The following NUP37 variants were observed in gnomAD, a reference collection of about 807,000 sequenced individuals.
NUP37 encodes the protein nucleoporin 37, also known as nucleoporin Nup37.
In NUP37, 33 loss-of-function variants were observed where a neutral mutation model predicts 45.4. That is an observed-to-expected ratio of 0.73 (90% confidence interval 0.55 to 0.97). NUP37 has a LOEUF of 0.97. Ranked by LOEUF, NUP37 falls within the 50% of genes least tolerant of loss-of-function variation. The probability of loss-of-function intolerance (pLI) is 0.00; values close to 1 mark genes in which losing one functional copy is unlikely to be tolerated. For synonymous variants in NUP37, 127 were observed against 130.7 expected, an observed-to-expected ratio of 0.97 and a Z score of 0.19; for missense variants, 365 against 389.7, an observed-to-expected ratio of 0.94 and a Z score of 0.53.
chr12:102,096,256 T>C (rs1565832932), intron 5 of NUP37, among the ~76,000 whole-genome samples: 1 of 152,148 alleles, frequency 6.6e-6, no homozygotes, highest in Non-Finnish European at 1.5e-5. Flanking sequence ...GAGAACCCAA[T>C]TTTCTTATAA....
At chr12:102,113,091 C>G (rs1386852847) in intron 2 of NUP37, among the ~76,000 whole-genome samples, 1 of 152,154 alleles carries the variant, frequency 6.6e-6, no homozygotes. Context: ...GAGACAATAA[C>G]CTGAAAAGTT....
At chr12:102,093,413 TACAG>T (rs1387979935) in intron 5 of NUP37, among the ~76,000 whole-genome samples, 1 of 152,058 alleles carries the variant, frequency 6.6e-6, no homozygotes, top group Non-Finnish European at 1.5e-5. Flanking sequence ...ATTTAACTTA[TACAG>T]ACAGATAAAT....
intron 6 of NUP37, among the ~76,000 whole-genome samples, chr12:102,078,574 A>C (rs1217605363): frequency 1.3e-5 from 2 of 152,220 alleles, no homozygotes; most frequent in African/African-American, 4.8e-5. Flanking sequence ...GTTAAAGAGC[A>C]CAGACACGCC....
chr12:102,119,887 T>C (rs1594407718), intron 1 of NUP37, among the ~76,000 whole-genome samples, 163 bp downstream of exon 1: 1 of 152,106 alleles, frequency 6.6e-6, no homozygotes, highest in African/African-American at 2.4e-5. Context: ...GTCTCTGCAA[T>C]GAGCGCCGAC....
intron 2 of NUP37, among the ~76,000 whole-genome samples, chr12:102,114,327 C>G (rs534160033): frequency 6.6e-6 from 1 of 151,930 alleles, no homozygotes; most frequent in Non-Finnish European, 1.5e-5. Context: ...TATGGAATTA[C>G]TGGGTGGTCA....
chr12:102,112,330 G>GAA (rs1399529220), intron 2 of NUP37, 98 bp from the exon 3 acceptor site: 5 of 1,020,106 alleles, frequency 4.9e-6, no homozygotes, highest in Admixed American at 6.2e-5. Context: ...TTATGCTTAT[G>GAA]CTTTTGAAAA....
intron 5 of NUP37, among the ~76,000 whole-genome samples, chr12:102,096,628 C>T (rs1367829381): frequency 6.6e-6 from 1 of 152,076 alleles, no homozygotes; most frequent in African/African-American, 2.4e-5. Flanking sequence ...GTACAGAATA[C>T]ATATTGTAGA....
Position 102,074,159 on chromosome 12 carries a change from T to C in NUP37, c.*195A>G. 5.7e-6 allele frequency: 2 copies of C among 350,446 alleles called. No homozygotes were observed. The highest frequency in any genetic ancestry group is 1.3e-4 in the South Asian group (2 of 14,926). The allele number at this position is 350,446 out of a possible 1,614,324, so 21.7% of individuals were successfully genotyped here. A position where few individuals can be genotyped will look rare whatever the true frequency, so the allele number is the denominator to read the frequency against. On this transcript the variant is annotated 3_prime_UTR_variant, in exon 10 of 10. Coordinates refer to ENST00000552283, the MANE Select transcript of NUP37 (RefSeq NM_024057.4). Reference sequence around the variant, plus strand: ...TTTTGTAAGATTAAAAATATATATATATACACACACAGAGAACAGAGTAGA... The same window carrying C: ...TTTTGTAAGATTAAAAATATATATACATACACACACAGAGAACAGAGTAGA...
intron 8 of NUP37, among the ~76,000 whole-genome samples, chr12:102,075,513 G>T (rs1036959163): frequency 6.6e-6 from 1 of 152,074 alleles, no homozygotes; most frequent in Non-Finnish European, 1.5e-5. Context: ...TAAAACCAGT[G>T]ATTTTAATAA....
chr12:102,077,039 C>G, intron 7 of NUP37, 192 bp from the exon 8 acceptor site: 1 of 607,312 alleles, frequency 1.6e-6, no homozygotes, highest in Non-Finnish European at 2.9e-6. Flanking sequence ...TGCAGGGAAC[C>G]ATCATGCAAC....
intron 6 of NUP37, chr12:102,079,062 T>A (rs1879261706): frequency 2.6e-6 from 1 of 383,572 alleles, no homozygotes; most frequent in Non-Finnish European, 5.1e-6. Context: ...TCCTTACTTT[T>A]AAGCAGTGTT....
At chr12:102,118,615 G>A in intron 1 of NUP37, 32 bp from the exon 2 acceptor site, 1 of 1,060,298 alleles carries the variant, frequency 9.4e-7, no homozygotes, top group Non-Finnish European at 1.4e-6. Flanking sequence ...CAATTACAAT[G>A]GTCAATATGT....
chr12:102,109,346 G>A (rs918677483), intron 3 of NUP37, among the ~76,000 whole-genome samples: 2 of 152,124 alleles, frequency 1.3e-5, no homozygotes, highest in African/African-American at 4.8e-5. Flanking sequence ...TAAGAGAGAT[G>A]CTGAGTTATA....
chr12:102,082,044 A>C (rs1322960388), intron 6 of NUP37, among the ~76,000 whole-genome samples: 2 of 152,048 alleles, frequency 1.3e-5, no homozygotes, highest in African/African-American at 4.8e-5. Context: ...TCAGAGACTG[A>C]GATGTCCTCA....
Position 102,112,140 on chromosome 12 carries a change from C to G in NUP37, c.249G>C (p.Glu83Asp). 1.2e-6 allele frequency: 2 copies of G among 1,613,906 alleles called. No homozygotes were observed. Among genetic ancestry groups the G allele is most frequent in the Non-Finnish European group, 1.7e-6 (2 of 1,179,858 alleles). ...CTGGAGGCAATGAATCAAGTCTAGT[C>G]TCTGGGCTCCAAGCTATGCCATCAA... ...VRVDGIAWSP[E>D]TRLDSLPPVI... Residue 83 changes from glutamate to aspartate, a missense_variant, in exon 3 of 10, where the codon GAG becomes GAC. By Grantham distance (45) the Glu-to-Asp change is conservative. Coordinates refer to ENST00000552283, the MANE Select transcript of NUP37 (RefSeq NM_024057.4).
chr12:102,104,211 T>C (rs1400804515), intron 3 of NUP37, among the ~76,000 whole-genome samples: 1 of 152,226 alleles, frequency 6.6e-6, no homozygotes, highest in Non-Finnish European at 1.5e-5. Context: ...ATTTCTTTAA[T>C]GATTAGGGAT....
chr12:102,083,053 AATG>A (rs1458002521), intron 6 of NUP37, among the ~76,000 whole-genome samples: 2 of 152,222 alleles, frequency 1.3e-5, no homozygotes, highest in Admixed American at 1.3e-4. Flanking sequence ...GTGGAATTTT[AATG>A]ATATGTAGGA....
intron 3 of NUP37, among the ~76,000 whole-genome samples, chr12:102,106,185 C>T (rs1004439100): frequency 6.6e-6 from 1 of 152,106 alleles, no homozygotes; most frequent in African/African-American, 2.4e-5. Context: ...AATAAACCAA[C>T]CCCACTGATA....
intron 2 of NUP37, among the ~76,000 whole-genome samples, chr12:102,116,493 G>C (rs1880466757): frequency 6.6e-6 from 1 of 152,106 alleles, no homozygotes; most frequent in Non-Finnish European, 1.5e-5. Context: ...AGTCAGGCTA[G>C]GGTCATATTT....
Sources: allele counts gnomAD v4.1 joint callset (sites outside exome capture counted in the v4.1 genomes callset), GRCh38; gene constraint gnomAD v4.1.1; transcripts MANE v1.5; gene names NCBI Gene and HGNC (gene_info 2026-07-23, HGNC 2026-07-21).